The following LEKR1 variants were observed in gnomAD, a reference collection of about 807,000 sequenced individuals.
LEKR1 encodes the protein leucine, glutamate and lysine rich 1.
In LEKR1, 59 loss-of-function variants were observed where a neutral mutation model predicts 72.4. The observed-to-expected ratio is 0.82, with a 90% CI of 0.66 to 1.01. The LOEUF (loss-of-function observed/expected upper bound fraction) is 1.01, where lower values mean the gene tolerates loss of function less well. Among genes scored for constraint, LEKR1 ranks in the 50% least tolerant of loss-of-function variants. The pLI is 0.00. For missense variants in LEKR1, 728 were observed against 759.2 expected, an observed-to-expected ratio of 0.96 and a Z score of 0.48; for synonymous variants, 257 against 263.2, an observed-to-expected ratio of 0.98 and a Z score of 0.23.
chr3:156,889,050 A>G (rs539362906), intron 3 of LEKR1, among the ~76,000 whole-genome samples: 5 of 152,290 alleles, frequency 3.3e-5, no homozygotes, highest in African/African-American at 9.6e-5. Flanking sequence ...CTAGGAGAAT[A>G]CATTATCATT....
chr3:156,894,070 C>T (rs1720940517), intron 3 of LEKR1, among the ~76,000 whole-genome samples: 1 of 152,208 alleles, frequency 6.6e-6, no homozygotes, highest in Non-Finnish European at 1.5e-5. Flanking sequence ...AAGCAATCAC[C>T]TGAAACAGTG....
intron 3 of LEKR1, among the ~76,000 whole-genome samples, chr3:156,886,059 T>C (rs1010449430): frequency 3.2e-4 from 48 of 152,262 alleles, no homozygotes; most frequent in African/African-American, 1.1e-3. Context: ...ACCAGGGCTG[T>C]AGGAAAATAT....
chr3:157,020,587 G>A (rs893108029), intron 10 of LEKR1, among the ~76,000 whole-genome samples: 4 of 151,338 alleles, frequency 2.6e-5, no homozygotes, highest in Non-Finnish European at 5.9e-5. Flanking sequence ...TTTCATCCAT[G>A]TACCTACAAA....
At chr3:156,845,585 G>T (rs1335721639) in intron 2 of LEKR1, among the ~76,000 whole-genome samples, 1 of 151,288 alleles carries the variant, frequency 6.6e-6, no homozygotes, top group Admixed American at 6.6e-5. Flanking sequence ...ACCATTTGTT[G>T]AAAAGGCTAT....
At chr3:156,877,974 G>A (rs956372262) in intron 3 of LEKR1, among the ~76,000 whole-genome samples, 15 of 152,096 alleles carry the variant, frequency 9.9e-5, no homozygotes, top group African/African-American at 3.6e-4. Context: ...GTAGAGATGG[G>A]GTTTCACCAT....
In LEKR1 at chr3:156,979,223, T is replaced by C; in HGVS notation, c.775T>C (p.Leu259=). 2 of 1,287,590 alleles carry C rather than the reference T, an allele frequency of 1.6e-6. No homozygotes were observed. The highest frequency in any genetic ancestry group is 2.0e-6 in the Non-Finnish European group (2 of 985,808). The allele number at this position is 1,287,590 out of a possible 1,614,324, so 79.8% of individuals were successfully genotyped here. The change falls in exon 7 of 13, where the codon TTA becomes CTA. Residue 259 remains leucine, a synonymous_variant. Transcript: ENST00000356539. ...DLQCLVEALG[L]KLQKAVTEMD... Reference sequence around the variant, plus strand: ...ACAATGTCTAGTAGAGGCACTTGGATTAAAACTTCAGAAGGCGGTGACAGA... The same window carrying C: ...ACAATGTCTAGTAGAGGCACTTGGACTAAAACTTCAGAAGGCGGTGACAGA...
At chr3:156,993,421 T>C (rs1011464785) in intron 9 of LEKR1, 144 bp downstream of exon 9, 4 of 485,270 alleles carry the variant, frequency 8.2e-6, no homozygotes, top group African/African-American at 7.8e-5. Context: ...GGTCATTGCA[T>C]CCCACCACCT....
At chr3:156,940,800 T>C (rs978801613) in intron 5 of LEKR1, among the ~76,000 whole-genome samples, 20 of 152,168 alleles carry the variant, frequency 1.3e-4, no homozygotes, top group African/African-American at 4.1e-4. Context: ...TGAGTAGTTA[T>C]TTTAGAGTAT....
intron 10 of LEKR1, among the ~76,000 whole-genome samples, chr3:157,014,103 A>G (rs1014803943): frequency 2.0e-5 from 3 of 152,082 alleles, no homozygotes; most frequent in Admixed American, 6.6e-5. Flanking sequence ...AATTGGTTTT[A>G]AATGTACAAT....
At chr3:156,966,494 C>T (rs1728610238) in intron 6 of LEKR1, among the ~76,000 whole-genome samples, 1 of 152,198 alleles carries the variant, frequency 6.6e-6, no homozygotes, top group South Asian at 2.1e-4. Context: ...CCGCACCGGG[C>T]GTGGAGGGTC....
chr3:156,996,752 T>G (rs1178329181), intron 9 of LEKR1, among the ~76,000 whole-genome samples: 1 of 152,148 alleles, frequency 6.6e-6, no homozygotes, highest in Non-Finnish European at 1.5e-5. Context: ...GCTTACTCCA[T>G]GGTGAGCCTA....
intron 9 of LEKR1, among the ~76,000 whole-genome samples, chr3:157,005,828 A>C (rs1732379801): frequency 6.6e-6 from 1 of 152,210 alleles, no homozygotes; most frequent in South Asian, 2.1e-4. Context: ...AATGATATTT[A>C]GAAACTCAGT....
Position 157,014,510 on chromosome 3 carries a change from C to A in LEKR1, c.1203+3004C>A, listed in dbSNP as rs1263140755. On this transcript the variant is annotated intron_variant, in intron 10 of 12. Coordinates refer to ENST00000356539, the MANE Select transcript of LEKR1 (RefSeq NM_001004316.3). The stretch of plus-strand genomic sequence containing the variant: ...AACCAAATGACCTAATAATTCCTAA[C>A]GTGTTTTAGTATGCTATTATTAAAA... Among the ~76,000 whole-genome samples, 5 of 152,170 alleles carry A rather than the reference C, an allele frequency of 3.3e-5. No homozygotes were observed. In the East Asian group the frequency reaches 7.7e-4, roughly 23 times the overall value.
intron 10 of LEKR1, among the ~76,000 whole-genome samples, chr3:157,013,392 G>A (rs1488488665): frequency 6.6e-6 from 1 of 152,086 alleles, no homozygotes; most frequent in African/African-American, 2.4e-5. Flanking sequence ...TGCTAACACA[G>A]AGTAAAACAA....
At chr3:156,903,374 A>C (rs1396109662) in intron 3 of LEKR1, among the ~76,000 whole-genome samples, 1 of 150,720 alleles carries the variant, frequency 6.6e-6, no homozygotes, top group Non-Finnish European at 1.5e-5. Flanking sequence ...TATTTTTTTC[A>C]TTTGCTTATT....
intron 9 of LEKR1, among the ~76,000 whole-genome samples, chr3:157,000,784 G>C (rs1299512632): frequency 6.6e-6 from 1 of 152,150 alleles, no homozygotes; most frequent in Admixed American, 6.5e-5. Context: ...ATGCTGATAT[G>C]GTTAGGCTTT....
intron 5 of LEKR1, among the ~76,000 whole-genome samples, chr3:156,935,257 C>T (rs937184910): frequency 3.9e-5 from 6 of 152,284 alleles, no homozygotes; most frequent in African/African-American, 1.4e-4. Context: ...TGGAAATGCA[C>T]ACATGAGGAC....
At chr3:157,003,728 G>A (rs967490657) in intron 9 of LEKR1, among the ~76,000 whole-genome samples, 4 of 152,114 alleles carry the variant, frequency 2.6e-5, no homozygotes, top group Non-Finnish European at 5.9e-5. Context: ...CATACTCACA[G>A]ATTCAGATAT....
chr3:156,981,297 G>A (rs1261523975), intron 7 of LEKR1, among the ~76,000 whole-genome samples: 2 of 152,054 alleles, frequency 1.3e-5, no homozygotes, highest in Non-Finnish European at 2.9e-5. Context: ...CATGCTTTGT[G>A]GTATTTTTGT....
Sources: gnomAD v4.1 joint callset for allele counts (sites outside exome capture counted in the v4.1 genomes callset) on GRCh38, gnomAD v4.1.1 for gene constraint, MANE v1.5 for transcripts, NCBI Gene and HGNC (gene_info 2026-07-23, HGNC 2026-07-21) for gene names.